PDGFC: variants seen among roughly 807,000 people sequenced by gnomAD.
PDGFC encodes the protein platelet derived growth factor C, also known as platelet-derived growth factor C.
A neutral mutation model predicts 35.5 loss-of-function variants in PDGFC; 12 were observed. The ratio of observed to expected loss-of-function variants is 0.34; its 90% CI spans 0.22 to 0.55. The LOEUF (loss-of-function observed/expected upper bound fraction) is 0.55. Among genes scored for constraint, PDGFC ranks in the 20% least tolerant of loss-of-function variants. The probability of loss-of-function intolerance (pLI) is 0.91; values close to 1 mark genes in which losing one functional copy is unlikely to be tolerated. For synonymous variants in PDGFC, 159 were observed against 148.8 expected, an observed-to-expected ratio of 1.07 and a Z score of -0.50; for missense variants, 322 against 412.4, an observed-to-expected ratio of 0.78 and a Z score of 1.90.
chr4:156,792,412 C>CA (rs146187842), intron 3 of PDGFC, among the ~76,000 whole-genome samples: 10,883 of 152,006 alleles, frequency 0.072, 1,303 homozygotes, highest in African/African-American at 0.25. Flanking sequence ...TCACATTCCA[C>CA]AAAAAATCAC....
At position 156,803,669 on chromosome 4, in the gene PDGFC, AT is replaced by A. The variant is rs1579019395; in HGVS notation, c.495+7167del. 2.0e-5 allele frequency among the ~76,000 whole-genome samples: 3 copies of A among 152,298 alleles called. No homozygotes were observed. In the South Asian group the frequency reaches 6.2e-4, roughly 32 times the overall value. On this transcript the variant is annotated intron_variant, in intron 3 of 5. Transcript: ENST00000502773. ...GAAGGGGAAAGTGGTATGAACTGCT[AT>A]TTTTGTAACAAATGTAAGAGAAATA...
chr4:156,851,710 G>A (rs929441305), intron 1 of PDGFC, among the ~76,000 whole-genome samples: 4 of 152,006 alleles, frequency 2.6e-5, no homozygotes, highest in Admixed American at 6.6e-5. Flanking sequence ...TTGGGAGGCC[G>A]AGGCGGGTGG....
At chr4:156,775,250 T>TA (rs1452957096) in intron 3 of PDGFC, among the ~76,000 whole-genome samples, 2 of 152,140 alleles carry the variant, frequency 1.3e-5, no homozygotes, top group African/African-American at 4.8e-5. Flanking sequence ...TGTAAAAAGT[T>TA]AACGCAAATT....
intron 1 of PDGFC, among the ~76,000 whole-genome samples, chr4:156,950,657 G>C (rs1018833932): frequency 2.6e-4 from 39 of 151,574 alleles, no homozygotes; most frequent in African/African-American, 9.2e-4. Context: ...AGAGGTAGAA[G>C]AAAAGTTCTT....
chr4:156,798,000 G>A (rs1353089718), intron 3 of PDGFC, among the ~76,000 whole-genome samples: 1 of 152,112 alleles, frequency 6.6e-6, no homozygotes, highest in African/African-American at 2.4e-5. Flanking sequence ...GACCAGCCCG[G>A]CCAACATGGT....
chr4:156,919,700 C>T (rs1731229357), intron 1 of PDGFC, among the ~76,000 whole-genome samples: 1 of 152,126 alleles, frequency 6.6e-6, no homozygotes, highest in South Asian at 2.1e-4. Context: ...TCCACTATGA[C>T]TTCCTGTAGT....
chr4:156,939,762 C>T lies in PDGFC; in HGVS notation c.118+31024G>A, dbSNP rs1560882704. On this transcript the variant is annotated intron_variant, in intron 1 of 5. Transcript: ENST00000502773. ...CTAACTCTGATCATTCCTCTACAAG[C>T]CTTATGCCTTAAATATTACCCAGAT... Among the ~76,000 whole-genome samples the T allele has an allele frequency of 2.0e-5, 3 of 152,062 alleles. No homozygotes were observed. The East Asian group carries it at 5.8e-4, about 29-fold the overall frequency.
intron 1 of PDGFC, among the ~76,000 whole-genome samples, chr4:156,965,716 A>G (rs1209068920): frequency 2.6e-5 from 4 of 152,110 alleles, no homozygotes; most frequent in Admixed American, 6.6e-5. Context: ...AGCTAAAGCC[A>G]AAAGAGCTGC....
intron 2 of PDGFC, among the ~76,000 whole-genome samples, chr4:156,820,604 G>T (rs562630013): frequency 1.4e-4 from 21 of 152,184 alleles, no homozygotes; most frequent in Non-Finnish European, 2.2e-4. Context: ...GCAGTGATCT[G>T]GTACCTAACC....
intron 4 of PDGFC, 26 bp from the exon 5 acceptor site, chr4:156,768,016 A>G: frequency 7.4e-7 from 1 of 1,351,230 alleles, no homozygotes; most frequent in Non-Finnish European, 1.1e-6. Flanking sequence ...GAAAGCAAAG[A>G]AAAATAGATG....
Position 156,926,745 on chromosome 4 carries a change from T to C in PDGFC, c.118+44041A>G, listed in dbSNP as rs1046413140. Among the ~76,000 whole-genome samples, 6 of 152,286 alleles carry C rather than the reference T, an allele frequency of 3.9e-5. No individual in the cohort carries two copies. The East Asian group carries it at 5.8e-4, about 15-fold the overall frequency. On this transcript the variant is annotated intron_variant, in intron 1 of 5. Coordinates refer to ENST00000502773, the MANE Select transcript of PDGFC (RefSeq NM_016205.3). The stretch of plus-strand genomic sequence containing the variant: ...ACAGCCTCCCTCCTGGCTGACTTTG[T>C]GGGCTGGCGTTGAGTGTCTGTGGTT...
intron 1 of PDGFC, among the ~76,000 whole-genome samples, chr4:156,922,936 C>T (rs1371238550): frequency 6.6e-6 from 1 of 152,178 alleles, no homozygotes; most frequent in Non-Finnish European, 1.5e-5. Context: ...TACAAGTTAT[C>T]ACCTTCTCTT....
rs370361546 is a variant in PDGFC at position 156,842,691 on chromosome 4, A to T, written c.314+7530T>A. Among the ~76,000 whole-genome samples the T allele has an allele frequency of 4.6e-5, 7 of 152,266 alleles. No individual in the cohort carries two copies. The East Asian group carries it at 7.7e-4, about 17-fold the overall frequency. ...TACCATTACACACCCACCACTTACC[A>T]CACCTCCAAGGCATCTCAGGCTCCA... On this transcript the variant is annotated intron_variant, in intron 2 of 5. Transcript: ENST00000502773.
intron 3 of PDGFC, among the ~76,000 whole-genome samples, chr4:156,799,101 T>C (rs6819797): frequency 0.44 from 66,791 of 152,036 alleles, 16,915 homozygotes; most frequent in African/African-American, 0.69. Flanking sequence ...TCTTAAGCAA[T>C]CTGCCTTGGA....
At chr4:156,780,426 C>A (rs376313634) in intron 3 of PDGFC, among the ~76,000 whole-genome samples, 1 of 152,102 alleles carries the variant, frequency 6.6e-6, no homozygotes, top group African/African-American at 2.4e-5. Context: ...CACTTTCTTA[C>A]AGAAATTTAT....
At chr4:156,966,298 T>G (rs1307034029) in intron 1 of PDGFC, among the ~76,000 whole-genome samples, 1 of 151,968 alleles carries the variant, frequency 6.6e-6, no homozygotes, top group Non-Finnish European at 1.5e-5. Context: ...TTACATAGAG[T>G]TACACAGAGT....
intron 3 of PDGFC, among the ~76,000 whole-genome samples, chr4:156,786,598 G>C (rs185836650): frequency 2.2e-4 from 33 of 152,260 alleles, no homozygotes; most frequent in Admixed American, 7.2e-4. Flanking sequence ...GACTACAAGG[G>C]GACACTGTAG....
intron 1 of PDGFC, among the ~76,000 whole-genome samples, chr4:156,867,729 G>A (rs1729880054): frequency 6.6e-6 from 1 of 151,994 alleles, no homozygotes; most frequent in African/African-American, 2.4e-5. Flanking sequence ...GATACCACTA[G>A]GTTTCATACT....
chr4:156,854,711 A>T (rs1382255941), intron 1 of PDGFC, among the ~76,000 whole-genome samples: 2 of 152,146 alleles, frequency 1.3e-5, no homozygotes, highest in African/African-American at 4.8e-5. Context: ...TTTTGAACAT[A>T]TAACTTTACT....
Sources: allele counts gnomAD v4.1 joint callset (sites outside exome capture counted in the v4.1 genomes callset), GRCh38; gene constraint gnomAD v4.1.1; transcripts MANE v1.5; gene names NCBI Gene and HGNC (gene_info 2026-07-23, HGNC 2026-07-21).